Variants in MEF2C observed in about 807,000 individuals in gnomAD.
MEF2C encodes the protein myocyte-specific enhancer factor 2C.
Under a neutral mutation model 50.5 loss-of-function variants are expected in MEF2C, and 6 were observed. The observed-to-expected ratio is 0.12, with a 90% CI of 0.07 to 0.23. MEF2C has a LOEUF of 0.23. Ranked by LOEUF, MEF2C falls within the 10% of genes least tolerant of loss-of-function variation. The probability of loss-of-function intolerance (pLI) is 1.00; values close to 1 mark genes in which losing one functional copy is unlikely to be tolerated. For synonymous variants in MEF2C, 183 were observed against 228.0 expected, an observed-to-expected ratio of 0.80 and a Z score of 1.78; for missense variants, 276 against 605.0, an observed-to-expected ratio of 0.46 and a Z score of 5.70.
At chr5:88,893,698 A>T (rs763766483) in intron 1 of MEF2C, among the ~76,000 whole-genome samples, 2 of 152,230 alleles carry the variant, frequency 1.3e-5, no homozygotes, top group Non-Finnish European at 2.9e-5. Context: ...ACGTAATTTT[A>T]TAGAAATTGT....
chr5:88,738,877 G>C, intron 6 of MEF2C: 1 of 985,252 alleles, frequency 1.0e-6, no homozygotes, highest in Non-Finnish European at 1.2e-6. Flanking sequence ...TCTCTTTCTG[G>C]ATAAATAAAT....
In MEF2C at chr5:88,850,075, A is replaced by C. The variant is rs1029830751; in HGVS notation, c.-142-26145T>G. 3.4e-5 allele frequency among the ~76,000 whole-genome samples: 5 copies of C among 148,488 alleles called. No individual in the cohort carries two copies. In the Admixed American group the frequency reaches 3.4e-4, roughly 10 times the overall value. The stretch of plus-strand genomic sequence containing the variant: ...AACATTAGGTATATCTCCTAAGGCT[A>C]TCCCTCCCCGCCCCCCAACCCCATA... On this transcript the variant is annotated intron_variant, in intron 1 of 10. Coordinates refer to ENST00000504921, the MANE Select transcript of MEF2C (RefSeq NM_002397.5).
At chr5:88,794,626 G>C (rs1222622048) in intron 3 of MEF2C, among the ~76,000 whole-genome samples, 1 of 152,110 alleles carries the variant, frequency 6.6e-6, no homozygotes. Context: ...CTTCTGCTGT[G>C]CAGAAGCTCT....
rs971718305 is a variant in MEF2C, at chr5:88,734,711, T to C, written c.638-2810A>G. 5.1e-6 allele frequency: 5 copies of C among 983,522 alleles called. No homozygotes were observed. In the African/African-American group the frequency reaches 8.8e-5, roughly 17 times the overall value. 60.9% of individuals were successfully genotyped at this position (983,522 alleles called of 1,614,324 possible). On this transcript the variant is annotated intron_variant, in intron 6 of 10. Transcript: ENST00000504921. ...TAGGGGAAAAAAAAGTAAATATACA[T>C]TGTAGCTTTTCATTCAGTAAATACC...
chr5:88,744,727 A>ACTTCTG (rs1768534675), intron 6 of MEF2C, among the ~76,000 whole-genome samples: 1 of 152,202 alleles, frequency 6.6e-6, no homozygotes, highest in Admixed American at 6.5e-5. Flanking sequence ...TATTTCTCTT[A>ACTTCTG]TACCAAGAGT....
In MEF2C at chr5:88,769,839, T is replaced by A. The variant is rs1469415199; in HGVS notation, c.259-8511A>T. The A allele has an allele frequency of 1.5e-5, 6 of 388,660 alleles. No individual in the cohort carries two copies. In the Admixed American group the frequency reaches 3.9e-4, roughly 25 times the overall value. The allele number at this position is 388,660 out of a possible 1,614,324, so 24.1% of individuals were successfully genotyped here. A position where few individuals can be genotyped will look rare whatever the true frequency, so the allele number is the denominator to read the frequency against. ...TTTGTAGTTTTTGGTAGAGATGGGG[T>A]CTCACAATGTTGTCCAGGCTGGTCT... On this transcript the variant is annotated intron_variant, in intron 3 of 10. Coordinates refer to ENST00000504921, the MANE Select transcript of MEF2C (RefSeq NM_002397.5).
At chr5:88,739,744 G>C in intron 6 of MEF2C, 2 of 984,148 alleles carry the variant, frequency 2.0e-6, no homozygotes, top group Non-Finnish European at 2.4e-6. Context: ...TTATTTTTTT[G>C]AGAAAAAAAG....
chr5:88,880,828 AT>A (rs1832613040), intron 1 of MEF2C: 1 of 152,096 alleles, frequency 6.6e-6, no homozygotes, highest in South Asian at 2.1e-4. Flanking sequence ...CACTTTTAAA[AT>A]ATGAATAGCT....
intron 2 of MEF2C, among the ~76,000 whole-genome samples, chr5:88,822,451 AG>A (rs1238500620): frequency 6.6e-6 from 1 of 151,976 alleles, no homozygotes; most frequent in Non-Finnish European, 1.5e-5. Flanking sequence ...CATAAATCTT[AG>A]TATTATTCAC....
chr5:88,883,680 G>GTC (rs1348440394), upstream of MEF2C: 1 of 150,910 alleles, frequency 6.6e-6, no homozygotes, highest in African/African-American at 2.4e-5. Context: ...TTTTCTCTCC[G>GTC]TCTCTCTCTC....
chr5:88,894,577 T>G (rs1834921334), intron 1 of MEF2C, among the ~76,000 whole-genome samples: 5 of 152,152 alleles, frequency 3.3e-5, no homozygotes, highest in Non-Finnish European at 7.4e-5. Context: ...AGGATGAATT[T>G]TTTCCAAAAG....
At chr5:88,834,198 T>C (rs1304096928) in intron 1 of MEF2C, among the ~76,000 whole-genome samples, 1 of 152,060 alleles carries the variant, frequency 6.6e-6, no homozygotes, top group Non-Finnish European at 1.5e-5. Context: ...GGCACACACA[T>C]GGAGTTCAGG....
At chr5:88,779,760 G>T (rs999536002) in intron 3 of MEF2C, among the ~76,000 whole-genome samples, 3 of 147,214 alleles carry the variant, frequency 2.0e-5, no homozygotes, top group East Asian at 2.0e-4. Flanking sequence ...GCAAAGTGAG[G>T]TTTTTTTTTT....
intron 10 of MEF2C, among the ~76,000 whole-genome samples, chr5:88,726,115 T>C (rs1432679433): frequency 7.9e-5 from 12 of 152,058 alleles, no homozygotes; most frequent in Non-Finnish European, 7.4e-5. Context: ...CAAAATGAAC[T>C]TTTTTTCCAT....
intron 1 of MEF2C, among the ~76,000 whole-genome samples, chr5:88,891,798 T>C (rs182854315): frequency 2.6e-5 from 4 of 152,280 alleles, no homozygotes; most frequent in Non-Finnish European, 4.4e-5. Flanking sequence ...ATAAGCTTTC[T>C]TATTAGTTTT....
intron 1 of MEF2C, among the ~76,000 whole-genome samples, chr5:88,844,089 C>G (rs949994770): frequency 5.0e-4 from 76 of 152,198 alleles, no homozygotes; most frequent in African/African-American, 1.7e-3. Flanking sequence ...GGATTACAGG[C>G]ATGAGCCATC....
chr5:88,751,658 A>G (rs1191552104), intron 5 of MEF2C, among the ~76,000 whole-genome samples, 199 bp downstream of exon 5: 1 of 152,234 alleles, frequency 6.6e-6, no homozygotes, highest in Non-Finnish European at 1.5e-5. Context: ...GATAAACGGC[A>G]GATTATGAAA....
At chr5:88,732,987 A>G in intron 6 of MEF2C, 10 of 777,544 alleles carry the variant, frequency 1.3e-5, no homozygotes, top group Non-Finnish European at 1.6e-5. Flanking sequence ...TGAGGATGCA[A>G]AGACAAGGCC....
chr5:88,767,575 C>T (rs1303476076), intron 3 of MEF2C, among the ~76,000 whole-genome samples: 1 of 152,016 alleles, frequency 6.6e-6, no homozygotes, highest in Non-Finnish European at 1.5e-5. Flanking sequence ...CTGTACAATA[C>T]TGTATTTCTC....
Sources: gnomAD v4.1 joint callset for allele counts (sites outside exome capture counted in the v4.1 genomes callset) on GRCh38, gnomAD v4.1.1 for gene constraint, MANE v1.5 for transcripts, NCBI Gene and HGNC (gene_info 2026-07-23, HGNC 2026-07-21) for gene names.